The following PTK2B variants were observed in gnomAD, a reference collection of about 807,000 sequenced individuals.
PTK2B encodes protein tyrosine kinase 2 beta.
PTK2B carries 71 observed loss-of-function variants against 142.9 expected under a neutral mutation model. That is an observed-to-expected ratio of 0.50 (90% confidence interval 0.41 to 0.61). The LOEUF (loss-of-function observed/expected upper bound fraction) is 0.61. Ranked by LOEUF, PTK2B falls within the 20% of genes least tolerant of loss-of-function variation. PTK2B has a pLI of 0.00. For synonymous variants in PTK2B, 519 were observed against 503.4 expected (o/e 1.03, Z -0.42); for missense variants, 1,105 against 1,320.4 (o/e 0.84, Z 2.53).
chr8:27,373,665 C>T (rs1456272844), intron 1 of PTK2B, among the ~76,000 whole-genome samples: 1 of 151,956 alleles, frequency 6.6e-6, no homozygotes, highest in Non-Finnish European at 1.5e-5. Flanking sequence ...CTGGGTGACA[C>T]AGCAAGACTC....
In PTK2B at chr8:27,436,236, T is replaced by C; in HGVS notation, c.1244-15T>C. 6 of 1,613,334 alleles carry C rather than the reference T, an allele frequency of 3.7e-6. No homozygotes were observed. The highest frequency in any genetic ancestry group is 5.1e-6 in the Non-Finnish European group (6 of 1,179,402). ...CGATCTCTGTGATCTGCGACTGTTT[T>C]CTCTGTCTGTGCAGGTCCACAGTAT... On this transcript the variant is annotated splice_polypyrimidine_tract_variant and intron_variant, in intron 14 of 30. Transcript: ENST00000346049.
chr8:27,347,127 A>G (rs1013048321), intron 1 of PTK2B, among the ~76,000 whole-genome samples: 36 of 152,174 alleles, frequency 2.4e-4, no homozygotes, highest in African/African-American at 8.2e-4. Context: ...CTGTAATCCA[A>G]GCACTTTGGG....
chr8:27,408,711 A>G (rs1041921511), intron 2 of PTK2B, among the ~76,000 whole-genome samples: 1 of 152,234 alleles, frequency 6.6e-6, no homozygotes, highest in African/African-American at 2.4e-5. Context: ...TAAAATTCTC[A>G]TAACCGTATA....
chr8:27,390,502 A>T (rs11775519), intron 1 of PTK2B, among the ~76,000 whole-genome samples: 54,254 of 151,812 alleles, frequency 0.36, 10,720 homozygotes, highest in Middle Eastern at 0.5. Flanking sequence ...TGAACTAGGC[A>T]TGGTGGCATG....
chr8:27,458,715 A>C lies in PTK2B; in HGVS notation c.*206A>C, dbSNP rs754099245. 5.0e-6 allele frequency: 3 copies of C among 602,572 alleles called. No individual in the cohort carries two copies. In the Admixed American group the frequency reaches 8.9e-5, roughly 18 times the overall value. 37.3% of individuals were successfully genotyped at this position (602,572 alleles called of 1,614,324 possible). On this transcript the variant is annotated 3_prime_UTR_variant, in exon 31 of 31. Transcript: ENST00000346049. ...GGACAGAGGGGACTCTGGGCTATGG[A>C]CACAGGGTGACGGTGACAAAGATGG... is the stretch of plus-strand genomic sequence containing the variant.
intron 1 of PTK2B, among the ~76,000 whole-genome samples, chr8:27,349,943 C>T (rs546979788): frequency 1.3e-5 from 2 of 152,334 alleles, no homozygotes; most frequent in East Asian, 3.9e-4. Flanking sequence ...TACTTCCACT[C>T]TCTGTTCACA....
rs574885699 is a variant in PTK2B at position 27,458,220 on chromosome 8, A to C, written c.2815-74A>C. The C allele has an allele frequency of 3.2e-4, 464 of 1,453,996 alleles. 1 individual carries two copies. Among genetic ancestry groups the C allele is most frequent in the Non-Finnish European group, 4.4e-5 (46 of 1,055,564 alleles). The allele number at this position is 1,453,996 out of a possible 1,614,324, so 90.1% of individuals were successfully genotyped here. A position where few individuals can be genotyped will look rare whatever the true frequency, so the allele number is the denominator to read the frequency against. On this transcript the variant is annotated intron_variant, in intron 30 of 30. Transcript: ENST00000346049. ...TGCTTTGGCCAGCATGCAGGTGGAC[A>C]CCTCTGTGGCTTCCCTATCCTCCAA...
At chr8:27,433,298 G>A in intron 10 of PTK2B, 137 bp from the exon 11 acceptor site, 1 of 722,094 alleles carries the variant, frequency 1.4e-6, no homozygotes, top group South Asian at 1.7e-5. Context: ...CCAGGGCAGG[G>A]CCCCAGGAGA....
intron 1 of PTK2B, among the ~76,000 whole-genome samples, chr8:27,327,502 A>T (rs1284243023): frequency 6.6e-6 from 1 of 152,178 alleles, no homozygotes; most frequent in Non-Finnish European, 1.5e-5. Context: ...TTCACATTTA[A>T]CTGGGTGTCC....
rs948604089 is a variant in PTK2B at position 27,381,780 on chromosome 8, G to A, written c.-37-15768G>A. Among the ~76,000 whole-genome samples, 5 of 152,184 alleles carry A rather than the reference G, an allele frequency of 3.3e-5. No homozygotes were observed. The South Asian group carries it at 6.2e-4, about 19-fold the overall frequency. ...ACTAATTTACATTCCCACCAATAGC[G>A]TTTAGGAGTTCTCTTTTCTCAACAT... On this transcript the variant is annotated intron_variant, in intron 1 of 30. Coordinates refer to ENST00000346049, the MANE Select transcript of PTK2B (RefSeq NM_173176.3).
At chr8:27,346,018 C>T (rs1804690825) in intron 1 of PTK2B, among the ~76,000 whole-genome samples, 2 of 152,140 alleles carry the variant, frequency 1.3e-5, no homozygotes, top group South Asian at 4.1e-4. Flanking sequence ...ATGTCTCACC[C>T]CTCTGCCAGA....
At chr8:27,374,867 A>G (rs1210907862) in intron 1 of PTK2B, among the ~76,000 whole-genome samples, 1 of 152,306 alleles carries the variant, frequency 6.6e-6, no homozygotes, top group East Asian at 1.9e-4. Flanking sequence ...AGTTTGCCCA[A>G]GTGCACCAGA....
chr8:27,427,175 C>T (rs3779635), intron 5 of PTK2B, among the ~76,000 whole-genome samples: 58,636 of 152,010 alleles, frequency 0.39, 11,718 homozygotes, highest in Middle Eastern at 0.51. Context: ...ATACTGAGCC[C>T]GTGTTACCTG....
chr8:27,380,525 G>A (rs1464714583), intron 1 of PTK2B: 1 of 138,598 alleles, frequency 7.2e-6, no homozygotes, highest in Non-Finnish European at 1.5e-5. Context: ...CTGAATGATT[G>A]AAAACACCTA....
chr8:27,353,100 TG>T (rs1272399547), intron 1 of PTK2B, among the ~76,000 whole-genome samples: 1 of 152,240 alleles, frequency 6.6e-6, no homozygotes, highest in Non-Finnish European at 1.5e-5. Flanking sequence ...TTCACGGGAC[TG>T]CTCATCTAGT....
At chr8:27,401,777 G>T (rs1808401025) in intron 2 of PTK2B, among the ~76,000 whole-genome samples, 1 of 152,202 alleles carries the variant, frequency 6.6e-6, no homozygotes, top group South Asian at 2.1e-4. Flanking sequence ...AAAATGCATT[G>T]GAGGAAGGCA....
At chr8:27,398,503 G>A (rs1808197468) in intron 2 of PTK2B, among the ~76,000 whole-genome samples, 1 of 152,202 alleles carries the variant, frequency 6.6e-6, no homozygotes, top group Non-Finnish European at 1.5e-5. Flanking sequence ...ATTACTGTGT[G>A]GAGCCTGGGC....
At chr8:27,398,732 G>T (rs1808210122) in intron 2 of PTK2B, among the ~76,000 whole-genome samples, 1 of 152,224 alleles carries the variant, frequency 6.6e-6, no homozygotes, top group South Asian at 2.1e-4. Context: ...GCCATCTCCA[G>T]CTCATAGCCA....
At chr8:27,410,761 G>C (rs1459438408) in intron 2 of PTK2B, among the ~76,000 whole-genome samples, 3 of 152,218 alleles carry the variant, frequency 2.0e-5, no homozygotes, top group African/African-American at 7.2e-5. Context: ...CCAGAGCACA[G>C]AGACAAGCCA....
Sources: allele counts gnomAD v4.1 joint callset (sites outside exome capture counted in the v4.1 genomes callset), GRCh38; gene constraint gnomAD v4.1.1; transcripts MANE v1.5; gene names NCBI Gene and HGNC (gene_info 2026-07-23, HGNC 2026-07-21).